DLG2: variants seen among roughly 807,000 people sequenced by gnomAD.
The protein encoded by DLG2 is discs large MAGUK scaffold protein 2, also known as disks large homolog 2.
DLG2 carries 45 observed loss-of-function variants against 132.5 expected under a neutral mutation model. The observed-to-expected ratio is 0.34, with a 90% CI of 0.27 to 0.44. The LOEUF (loss-of-function observed/expected upper bound fraction) is 0.44. DLG2 is among the 20% of genes least tolerant of loss of function. The pLI is 1.00. For missense variants in DLG2, 1,045 were observed against 1,196.9 expected (o/e 0.87, Z 1.87); for synonymous variants, 424 against 419.6 (o/e 1.01, Z -0.13).
intron 11 of DLG2, among the ~76,000 whole-genome samples, chr11:84,022,237 TTC>T (rs2095416781): frequency 6.6e-6 from 1 of 152,148 alleles, no homozygotes; most frequent in Admixed American, 6.5e-5. Flanking sequence ...GGGCATCCTT[TTC>T]TCTGACCCCA....
At chr11:84,749,305 C>A (rs2065797886) in intron 6 of DLG2, among the ~76,000 whole-genome samples, 1 of 152,132 alleles carries the variant, frequency 6.6e-6, no homozygotes, top group South Asian at 2.1e-4. Context: ...AATCAAGGAA[C>A]AGACCTGATT....
At chr11:84,481,529 T>C (rs1233458827) in intron 7 of DLG2, among the ~76,000 whole-genome samples, 1 of 152,194 alleles carries the variant, frequency 6.6e-6, no homozygotes, top group Non-Finnish European at 1.5e-5. Context: ...TGAAGGGCCA[T>C]ACGTAGTATC....
chr11:84,170,072 T>TA (rs1373046572), intron 8 of DLG2, among the ~76,000 whole-genome samples: 3 of 152,176 alleles, frequency 2.0e-5, no homozygotes, highest in Non-Finnish European at 4.4e-5. Flanking sequence ...ACCTTTTTTT[T>TA]ACCCTTGTAC....
At chr11:84,865,844 C>A (rs1356391125) in intron 6 of DLG2, among the ~76,000 whole-genome samples, 7 of 152,100 alleles carry the variant, frequency 4.6e-5, no homozygotes, top group Non-Finnish European at 8.8e-5. Flanking sequence ...AAGAAAAACC[C>A]AAGACTGATT....
intron 11 of DLG2, among the ~76,000 whole-genome samples, chr11:84,052,314 G>A (rs2154121805): frequency 6.6e-6 from 1 of 151,812 alleles, no homozygotes; most frequent in African/African-American, 2.4e-5. Context: ...ATACATGCAT[G>A]CATAAGCCAA....
chr11:83,759,106 G>A (rs186815638), intron 18 of DLG2, among the ~76,000 whole-genome samples: 1 of 152,296 alleles, frequency 6.6e-6, no homozygotes, highest in Middle Eastern at 3.4e-3. Context: ...ATTTAAAGGA[G>A]AGAATAAGAA....
intron 18 of DLG2, among the ~76,000 whole-genome samples, chr11:83,674,508 G>C (rs1037616600): frequency 5.3e-5 from 8 of 152,150 alleles, no homozygotes; most frequent in African/African-American, 1.9e-4. Flanking sequence ...AGTAATAATG[G>C]TACCTTTTAA....
intron 3 of DLG2, among the ~76,000 whole-genome samples, chr11:85,463,384 C>T (rs964019977): frequency 5.3e-5 from 8 of 152,116 alleles, no homozygotes; most frequent in African/African-American, 1.9e-4. Flanking sequence ...TCTATGAAAA[C>T]AGAAAGCATC....
intron 6 of DLG2, among the ~76,000 whole-genome samples, chr11:85,030,146 T>A (rs2060887180): frequency 6.6e-6 from 1 of 152,274 alleles, no homozygotes; most frequent in African/African-American, 2.4e-5. Flanking sequence ...TAAATTTAAT[T>A]CAGCTAAAGT....
rs1053589308 is a variant in DLG2, at chr11:85,298,928, C to CA, written c.41-13564dup. ...TGTACTTTCACATTTGAGATTATTT[C>CA]AAAAAAAATTTAATGCCCTAAAAAT... On this transcript the variant is annotated intron_variant, in intron 3 of 27. Transcript: ENST00000376104. Among the ~76,000 whole-genome samples the CA allele has an allele frequency of 1.3e-4, 20 of 151,446 alleles. 1 individual carries two copies. The highest frequency in any genetic ancestry group is 5.3e-4 in the Admixed American group (8 of 15,224).
At chr11:85,488,013 A>G (rs2093469821) in intron 3 of DLG2, among the ~76,000 whole-genome samples, 1 of 152,210 alleles carries the variant, frequency 6.6e-6, no homozygotes, top group Non-Finnish European at 1.5e-5. Context: ...TGTGGTAGTG[A>G]ATAAGTCTCA....
At chr11:84,730,824 G>C (rs530596414) in intron 6 of DLG2, among the ~76,000 whole-genome samples, 3 of 152,056 alleles carry the variant, frequency 2.0e-5, no homozygotes, top group African/African-American at 7.2e-5. Flanking sequence ...TAATCATACA[G>C]CAAGTTGAAT....
At chr11:83,946,110 C>T (rs112063818) in intron 14 of DLG2, among the ~76,000 whole-genome samples, 11,583 of 151,708 alleles carry the variant, frequency 0.076, 607 homozygotes, top group Non-Finnish European at 0.12. Context: ...CTGCCTCAGC[C>T]GCCGGAGTGG....
At chr11:85,078,868 T>TC (rs1296950653) in intron 6 of DLG2, among the ~76,000 whole-genome samples, 1 of 152,048 alleles carries the variant, frequency 6.6e-6, no homozygotes. Flanking sequence ...TAAAATGCGT[T>TC]CAAGTTTTGT....
At chr11:84,878,019 C>CA (rs1182201548) in intron 6 of DLG2, among the ~76,000 whole-genome samples, 1 of 152,180 alleles carries the variant, frequency 6.6e-6, no homozygotes, top group Non-Finnish European at 1.5e-5. Context: ...GAGATACCAT[C>CA]TCATGCCAGT....
chr11:85,478,699 G>A (rs2093211364), intron 3 of DLG2, among the ~76,000 whole-genome samples: 1 of 152,144 alleles, frequency 6.6e-6, no homozygotes, highest in African/African-American at 2.4e-5. Context: ...TATGTAAGTA[G>A]GGCACAGTCC....
At chr11:84,687,274 T>C (rs1472551778) in intron 6 of DLG2, 1 of 152,142 alleles carries the variant, frequency 6.6e-6, no homozygotes, top group African/African-American at 2.4e-5. Context: ...TTCAGTTTCC[T>C]CACCTGTAAA....
chr11:85,511,323 G>T (rs996231154), intron 3 of DLG2, among the ~76,000 whole-genome samples: 2 of 151,786 alleles, frequency 1.3e-5, no homozygotes, highest in African/African-American at 4.8e-5. Context: ...GTATACACAT[G>T]TAACAAACCT....
chr11:84,245,454 T>C (rs1055225357), intron 8 of DLG2, among the ~76,000 whole-genome samples: 3 of 152,196 alleles, frequency 2.0e-5, no homozygotes, highest in African/African-American at 7.2e-5. Context: ...ATATTCTTCA[T>C]AACCTAACTC....
Sources: allele counts gnomAD v4.1 joint callset (sites outside exome capture counted in the v4.1 genomes callset), GRCh38; gene constraint gnomAD v4.1.1; transcripts MANE v1.5; gene names NCBI Gene and HGNC (gene_info 2026-07-23, HGNC 2026-07-21).